The following ADAMTS12 variants were observed in gnomAD, a reference collection of about 807,000 sequenced individuals.
ADAMTS12 encodes ADAM metallopeptidase with thrombospondin type 1 motif 12.
Under a neutral mutation model 167.8 loss-of-function variants are expected in ADAMTS12, and 118 were observed. The ratio of observed to expected loss-of-function variants is 0.70; its 90% CI spans 0.61 to 0.82. The LOEUF (loss-of-function observed/expected upper bound fraction) is 0.82. ADAMTS12 is among the 40% of genes least tolerant of loss of function. The pLI is 0.00. For missense variants in ADAMTS12, 1,916 were observed against 1,998.8 expected (o/e 0.96, Z 0.79); for synonymous variants, 704 against 716.9 (o/e 0.98, Z 0.29).
intron 19 of ADAMTS12, among the ~76,000 whole-genome samples, chr5:33,571,752 C>T (rs1219637534): frequency 6.7e-6 from 1 of 149,432 alleles, no homozygotes; most frequent in Non-Finnish European, 1.5e-5. Flanking sequence ...AAAATCAGAG[C>T]AGAACTGAAG....
chr5:33,624,351 T>A lies in ADAMTS12; in HGVS notation c.2023A>T (p.Met675Leu). 2 of 1,613,900 alleles carry A rather than the reference T, an allele frequency of 1.2e-6. No homozygotes were observed. The highest frequency in any genetic ancestry group is 1.7e-6 in the Non-Finnish European group (2 of 1,179,844). ...TCGATCTCATAGTCACAGCCAACCATCTGTGGGGAAGAGAGGTGGAGGATG... is the reference window on the plus strand; with the variant it reads ...TCGATCTCATAGTCACAGCCAACCAACTGTGGGGAAGAGAGGTGGAGGATG... Reference protein sequence around the residue: ...RNVCINGICKMVGCDYEIDSN... With the variant: ...RNVCINGICKLVGCDYEIDSN... Residue 675 changes from methionine (M) to leucine (L), a missense_variant and splice_region_variant, in exon 14 of 24, where the codon ATG (methionine) becomes TTG (leucine). Met to Leu is a conservative substitution (Grantham distance 15). Coordinates refer to ENST00000504830, the MANE Select transcript of ADAMTS12 (RefSeq NM_030955.4).
chr5:33,549,094 C>G (rs1308611451), intron 21 of ADAMTS12, 113 bp downstream of exon 21: 7 of 1,341,692 alleles, frequency 5.2e-6, no homozygotes, highest in African/African-American at 2.9e-5. Flanking sequence ...AGAGGCCAGT[C>G]ATTGGCAGGA....
chr5:33,607,930 A>G (rs553568586), intron 16 of ADAMTS12, among the ~76,000 whole-genome samples: 1 of 152,234 alleles, frequency 6.6e-6, no homozygotes, highest in Non-Finnish European at 1.5e-5. Flanking sequence ...ATACTAACAC[A>G]TATATAAAGC....
Position 33,584,444 on chromosome 5 carries a change from C to A in ADAMTS12, c.2865+4155G>T, listed in dbSNP as rs375951790. On this transcript the variant is annotated intron_variant, in intron 18 of 23. Transcript: ENST00000504830. ...AGCACTGCGCTTATAGTGTTTCATGCATAAAATGAATGAGCTCCCTGAGCT... is the reference window on the plus strand; with the variant it reads ...AGCACTGCGCTTATAGTGTTTCATGAATAAAATGAATGAGCTCCCTGAGCT... Among the ~76,000 whole-genome samples the A allele has an allele frequency of 3.0e-4, 46 of 151,946 alleles. No homozygotes were observed. In the South Asian group the frequency reaches 9.6e-3, roughly 32 times the overall value.
At chr5:33,757,354 G>C (rs1019050908) in intron 2 of ADAMTS12, among the ~76,000 whole-genome samples, 1 of 152,200 alleles carries the variant, frequency 6.6e-6, no homozygotes, top group African/African-American at 2.4e-5. Flanking sequence ...AAATGTAACA[G>C]GATAAGGGCT....
intron 2 of ADAMTS12, among the ~76,000 whole-genome samples, chr5:33,765,285 C>G (rs950431383): frequency 1.3e-5 from 2 of 152,154 alleles, no homozygotes; most frequent in Admixed American, 1.3e-4. Context: ...CAGACATTCT[C>G]CTGCATAACC....
intron 7 of ADAMTS12, among the ~76,000 whole-genome samples, chr5:33,655,017 G>A (rs572732285): frequency 6.6e-6 from 1 of 152,066 alleles, no homozygotes; most frequent in African/African-American, 2.4e-5. Context: ...GTGGTCCTCA[G>A]CCTGTCTTCC....
In ADAMTS12 at chr5:33,524,335, T is replaced by G. The variant is rs1743709853; in HGVS notation, c.*2853A>C. On this transcript the variant is annotated 3_prime_UTR_variant, in exon 24 of 24. Transcript: ENST00000504830. ...TAAGAATTATATTAACCCACAACTT[T>G]CCAGAGAAGAGCTAAATATACTACT... 6.6e-6 allele frequency: 1 copy of G among 152,202 alleles called. No homozygotes were observed. The highest frequency in any genetic ancestry group is 2.4e-5 in the African/African-American group (1 of 41,446). 9.4% of individuals were successfully genotyped at this position (152,202 alleles called of 1,614,324 possible). A position where few individuals can be genotyped will look rare whatever the true frequency, so the allele number is the denominator to read the frequency against.
intron 2 of ADAMTS12, among the ~76,000 whole-genome samples, chr5:33,825,883 T>A (rs1748047175): frequency 6.6e-6 from 1 of 152,172 alleles, no homozygotes; most frequent in Non-Finnish European, 1.5e-5. Context: ...CTCAGTTATG[T>A]AACCAGAAGA....
intron 2 of ADAMTS12, among the ~76,000 whole-genome samples, chr5:33,877,178 T>G (rs1750260237): frequency 6.6e-6 from 1 of 152,186 alleles, no homozygotes; most frequent in Non-Finnish European, 1.5e-5. Flanking sequence ...AAAACTGTAT[T>G]CACTTTAGTA....
At chr5:33,784,383 G>C (rs1045485153) in intron 2 of ADAMTS12, among the ~76,000 whole-genome samples, 12 of 151,762 alleles carry the variant, frequency 7.9e-5, no homozygotes, top group Admixed American at 3.3e-4. Flanking sequence ...GAAATTAAAG[G>C]CATGCAAATT....
At chr5:33,586,150 T>A (rs7715688) in intron 18 of ADAMTS12, among the ~76,000 whole-genome samples, 24,693 of 152,088 alleles carry the variant, frequency 0.16, 2,128 homozygotes, top group East Asian at 0.25. Flanking sequence ...CTTCAAATGA[T>A]GTTGGTCTCC....
intron 20 of ADAMTS12, among the ~76,000 whole-genome samples, chr5:33,554,790 A>G (rs552223163): frequency 2.6e-5 from 4 of 152,360 alleles, no homozygotes; most frequent in Admixed American, 6.5e-5. Context: ...GTAAAATTCA[A>G]TAAACATGGA....
intron 16 of ADAMTS12, 106 bp downstream of exon 16, chr5:33,614,132 C>T (rs1425650100): frequency 5.5e-6 from 8 of 1,452,184 alleles, no homozygotes; most frequent in Non-Finnish European, 7.4e-6. Flanking sequence ...CAGTGGAGCC[C>T]TGCAGATCCA....
At chr5:33,736,898 G>A (rs948351077) in intron 3 of ADAMTS12, among the ~76,000 whole-genome samples, 2 of 152,182 alleles carry the variant, frequency 1.3e-5, no homozygotes, top group South Asian at 2.1e-4. Flanking sequence ...TAAACAGACT[G>A]TCAGCATCTT....
intron 2 of ADAMTS12, among the ~76,000 whole-genome samples, chr5:33,877,791 G>A (rs1750284584): frequency 6.6e-6 from 1 of 152,020 alleles, no homozygotes; most frequent in South Asian, 2.1e-4. Context: ...CTTTTCTAGG[G>A]TCCTCAGTTT....
chr5:33,655,337 A>G (rs1235985224), intron 7 of ADAMTS12, among the ~76,000 whole-genome samples: 1 of 152,094 alleles, frequency 6.6e-6, no homozygotes, highest in Non-Finnish European at 1.5e-5. Context: ...AACCTCTGGG[A>G]ACAGCCTCTA....
chr5:33,750,889 A>G (rs1469228370), intron 3 of ADAMTS12, among the ~76,000 whole-genome samples: 1 of 152,202 alleles, frequency 6.6e-6, no homozygotes, highest in Non-Finnish European at 1.5e-5. Flanking sequence ...TACTGAATTC[A>G]TCATCTGACA....
At chr5:33,884,893 T>A (rs1482948962) in intron 1 of ADAMTS12, among the ~76,000 whole-genome samples, 1 of 152,220 alleles carries the variant, frequency 6.6e-6, no homozygotes, top group Non-Finnish European at 1.5e-5. Context: ...TCTAGCAGAT[T>A]ATTTTTTCCA....
Sources: gnomAD v4.1 joint callset for allele counts (sites outside exome capture counted in the v4.1 genomes callset) on GRCh38, gnomAD v4.1.1 for gene constraint, MANE v1.5 for transcripts, NCBI Gene and HGNC (gene_info 2026-07-23, HGNC 2026-07-21) for gene names.